ZMYM4: variants seen among roughly 807,000 people sequenced by gnomAD.
The protein encoded by ZMYM4 is zinc finger MYM-type protein 4.
ZMYM4 carries 31 observed loss-of-function variants against 183.2 expected under a neutral mutation model. The ratio of observed to expected loss-of-function variants is 0.17; its 90% CI spans 0.13 to 0.23. The LOEUF (loss-of-function observed/expected upper bound fraction) is 0.23, where lower values mean the gene tolerates loss of function less well. ZMYM4 is among the 10% of genes least tolerant of loss of function. The probability of loss-of-function intolerance (pLI) is 1.00; values close to 1 mark genes in which losing one functional copy is unlikely to be tolerated. For synonymous variants in ZMYM4, 592 were observed against 631.2 expected (o/e 0.94, Z 0.93); for missense variants, 1,273 against 1,840.3 (o/e 0.69, Z 5.64).
At chr1:35,403,349 G>A (rs1395896166) in intron 23 of ZMYM4, among the ~76,000 whole-genome samples, 6 of 152,212 alleles carry the variant, frequency 3.9e-5, no homozygotes, top group African/African-American at 1.4e-4. Flanking sequence ...GCAATGGCGC[G>A]ATCTCGGCTC....
At chr1:35,375,522 G>A (rs552436154) in intron 7 of ZMYM4, among the ~76,000 whole-genome samples, 2 of 152,104 alleles carry the variant, frequency 1.3e-5, no homozygotes, top group Non-Finnish European at 2.9e-5. Flanking sequence ...CATAAGAAGG[G>A]TTTCAATTTG....
At chr1:35,295,468 A>G (rs1031082187) in intron 1 of ZMYM4, among the ~76,000 whole-genome samples, 2 of 152,166 alleles carry the variant, frequency 1.3e-5, no homozygotes, top group African/African-American at 2.4e-5. Flanking sequence ...GGTTATAGAT[A>G]ATGTAGGGCC....
At chr1:35,284,615 G>A (rs535849271) in intron 1 of ZMYM4, among the ~76,000 whole-genome samples, 14 of 152,114 alleles carry the variant, frequency 9.2e-5, no homozygotes, top group Admixed American at 7.2e-4. Flanking sequence ...TTGGGCTGTC[G>A]TAACACAGTA....
At chr1:35,401,550 C>T (rs896563142) in intron 23 of ZMYM4, among the ~76,000 whole-genome samples, 6 of 151,976 alleles carry the variant, frequency 3.9e-5, no homozygotes, top group Non-Finnish European at 8.8e-5. Context: ...ATCAAATCAA[C>T]GTTTGGTCCT....
intron 2 of ZMYM4, among the ~76,000 whole-genome samples, chr1:35,355,740 C>T (rs1004945072): frequency 1.3e-5 from 2 of 151,882 alleles, no homozygotes; most frequent in Non-Finnish European, 2.9e-5. Context: ...CTTGTCTCTG[C>T]GACTCAAAAA....
chr1:35,349,778 T>G (rs1643530368), intron 2 of ZMYM4, among the ~76,000 whole-genome samples: 1 of 148,670 alleles, frequency 6.7e-6, no homozygotes, highest in African/African-American at 2.5e-5. Flanking sequence ...TGCAGTGAGC[T>G]GAGATCATAC....
At chr1:35,328,281 T>G (rs1450296399) in intron 2 of ZMYM4, among the ~76,000 whole-genome samples, 1 of 151,954 alleles carries the variant, frequency 6.6e-6, no homozygotes, top group African/African-American at 2.4e-5. Flanking sequence ...TGTTTTATTC[T>G]TTATTTTAGT....
At chr1:35,404,903 T>A in intron 23 of ZMYM4, 120 bp from the exon 24 acceptor site, 1 of 967,446 alleles carries the variant, frequency 1.0e-6, no homozygotes. Flanking sequence ...TCTGAATCTT[T>A]AGGATATAAA....
chr1:35,392,438 C>A, intron 16 of ZMYM4, 86 bp downstream of exon 16: 1 of 1,500,674 alleles, frequency 6.7e-7, no homozygotes, highest in Admixed American at 2.2e-5. Context: ...GGATTATTTT[C>A]ATACATTTGA....
intron 1 of ZMYM4, among the ~76,000 whole-genome samples, chr1:35,314,156 A>T (rs1342150985): frequency 1.3e-5 from 2 of 152,240 alleles, no homozygotes; most frequent in Non-Finnish European, 2.9e-5. Context: ...TCTTTGAGGA[A>T]TGCCATGATT....
chr1:35,421,028 T>G lies in ZMYM4; in HGVS notation c.*1351T>G, dbSNP rs1640308105. The G allele has an allele frequency of 6.6e-6, 1 of 152,288 alleles. No individual in the cohort carries two copies. Among genetic ancestry groups the G allele is most frequent in the Non-Finnish European group, 1.5e-5 (1 of 68,040 alleles). The allele number at this position is 152,288 out of a possible 1,614,324, so 9.4% of individuals were successfully genotyped here. On this transcript the variant is annotated 3_prime_UTR_variant, in exon 30 of 30. Coordinates refer to ENST00000314607, the MANE Select transcript of ZMYM4 (RefSeq NM_005095.3). ...ATTTGGAATCAAAGCTTTTATGACGTTTGCCAATTGCAGAACTTCTTCAGC... is the reference window on the plus strand; with the variant it reads ...ATTTGGAATCAAAGCTTTTATGACGGTTGCCAATTGCAGAACTTCTTCAGC...
intron 2 of ZMYM4, among the ~76,000 whole-genome samples, chr1:35,345,091 C>T (rs1412282699): frequency 6.6e-6 from 1 of 152,192 alleles, no homozygotes; most frequent in Non-Finnish European, 1.5e-5. Flanking sequence ...ATGGTAGCCA[C>T]TGGCACCTGT....
intron 1 of ZMYM4, among the ~76,000 whole-genome samples, chr1:35,301,589 G>C (rs1641281259): frequency 6.6e-6 from 1 of 151,726 alleles, no homozygotes; most frequent in Non-Finnish European, 1.5e-5. Context: ...CTGGTTGATG[G>C]AACATGAACT....
intron 26 of ZMYM4, among the ~76,000 whole-genome samples, chr1:35,411,314 C>T (rs528019377): frequency 1.5e-4 from 23 of 151,738 alleles, no homozygotes; most frequent in African/African-American, 2.9e-4. Flanking sequence ...CCACTATGCC[C>T]GGCTAATTTT....
At chr1:35,349,560 G>A (rs1643520775) in intron 2 of ZMYM4, among the ~76,000 whole-genome samples, 1 of 152,106 alleles carries the variant, frequency 6.6e-6, no homozygotes, top group Non-Finnish European at 1.5e-5. Context: ...GAGCGCGGTG[G>A]CTCATGCCTG....
intron 1 of ZMYM4, among the ~76,000 whole-genome samples, chr1:35,323,653 C>T (rs1642384160): frequency 1.3e-5 from 2 of 151,862 alleles, no homozygotes; most frequent in Non-Finnish European, 2.9e-5. Context: ...ATGCCATTCT[C>T]CTCATTCTCC....
intron 7 of ZMYM4, among the ~76,000 whole-genome samples, chr1:35,380,314 T>TTTTATTTA (rs546105626): frequency 1.3e-5 from 2 of 151,210 alleles, no homozygotes; most frequent in South Asian, 2.1e-4. Flanking sequence ...TATTTATTTA[T>TTTTATTTA]TTTATTTATT....
Position 35,336,474 on chromosome 1 carries a change from C to T in ZMYM4, c.85+11069C>T, listed in dbSNP as rs187608371. On this transcript the variant is annotated intron_variant, in intron 2 of 29. Transcript: ENST00000314607. The stretch of plus-strand genomic sequence containing the variant: ...GGATCTTGGCTCACTGCAACCTCCA[C>T]CTCCCAGGTTCAAGCGATTCTCCTG... 6.8e-3 allele frequency among the ~76,000 whole-genome samples: 1,033 copies of T among 151,976 alleles called. 5 individuals are homozygous for T. The highest frequency in any genetic ancestry group is 0.011 in the Non-Finnish European group (737 of 67,964).
At chr1:35,294,607 ATCAT>A (rs1202611760) in intron 1 of ZMYM4, among the ~76,000 whole-genome samples, 2 of 152,198 alleles carry the variant, frequency 1.3e-5, no homozygotes, top group East Asian at 3.8e-4. Context: ...GAGTATATAG[ATCAT>A]TCGTGTTTGG....
Sources: allele counts gnomAD v4.1 joint callset (sites outside exome capture counted in the v4.1 genomes callset), GRCh38; gene constraint gnomAD v4.1.1; transcripts MANE v1.5; gene names NCBI Gene and HGNC (gene_info 2026-07-23, HGNC 2026-07-21).